CD58: variants seen among roughly 807,000 people sequenced by gnomAD.
CD58 encodes CD58 molecule, also known as lymphocyte function-associated antigen 3.
Under a neutral mutation model 27.6 loss-of-function variants are expected in CD58, and 14 were observed. The ratio of observed to expected loss-of-function variants is 0.51; its 90% CI spans 0.34 to 0.79. The LOEUF is 0.79. Among genes scored for constraint, CD58 ranks in the 30% least tolerant of loss-of-function variants. CD58 has a pLI of 0.02. For synonymous variants in CD58, 117 were observed against 103.8 expected, an observed-to-expected ratio of 1.13 and a Z score of -0.77; for missense variants, 268 against 301.7, an observed-to-expected ratio of 0.89 and a Z score of 0.83.
chr1:116,563,122 A>ATTT lies in CD58; in HGVS notation c.70+7780_70+7781insAAA, dbSNP rs1658810581. 6.6e-6 allele frequency among the ~76,000 whole-genome samples: 1 copy of ATTT among 152,242 alleles called. No homozygotes were observed. The highest frequency in any genetic ancestry group is 1.5e-5 in the Non-Finnish European group (1 of 68,046). On this transcript the variant is annotated intron_variant, in intron 1 of 5. Coordinates refer to ENST00000369489, the MANE Select transcript of CD58 (RefSeq NM_001779.3). The surrounding 1 kb of genome is among the most constrained non-coding windows in gnomAD (Gnocchi z 4.1). ...CCAAATGGGAGAAATTGTCCAAAAC[A>ATTT]AAAGGGCTACAGGCCCCATGCAAGT... is the stretch of plus-strand genomic sequence containing the variant.
At position 116,540,581 on chromosome 1, in the gene CD58, G is replaced by A. The variant is rs934973312; in HGVS notation, c.364+3730C>T. 3.9e-5 allele frequency among the ~76,000 whole-genome samples: 6 copies of A among 151,956 alleles called. No homozygotes were observed. In the East Asian group the frequency reaches 1.2e-3, roughly 29 times the overall value. On this transcript the variant is annotated intron_variant, in intron 2 of 5. Coordinates refer to ENST00000369489, the MANE Select transcript of CD58 (RefSeq NM_001779.3). ...ATGTATTTTATCAAGTCACTTCCTT[G>A]CTCCAGTATAGGACACAATGGCTCC...
chr1:116,547,767 G>A (rs1658239722), intron 1 of CD58, among the ~76,000 whole-genome samples: 1 of 152,098 alleles, frequency 6.6e-6, no homozygotes, highest in Non-Finnish European at 1.5e-5. Flanking sequence ...GATGTTGTGT[G>A]CAACATGTTG....
chr1:116,558,073 A>T (rs1471451263), intron 1 of CD58, among the ~76,000 whole-genome samples: 1 of 151,048 alleles, frequency 6.6e-6, no homozygotes, highest in Non-Finnish European at 1.5e-5. Flanking sequence ...ATTTTAAGAT[A>T]CTTCTCTCTC....
chr1:116,533,277 C>A (rs779681208), intron 3 of CD58: 578 of 1,291,566 alleles, frequency 4.5e-4, no homozygotes, highest in Non-Finnish European at 6.0e-4. Context: ...TGGACCCTTA[C>A]GCTTCTGCTT....
chr1:116,568,230 C>T (rs1315485624), intron 1 of CD58, among the ~76,000 whole-genome samples: 1 of 152,092 alleles, frequency 6.6e-6, no homozygotes, highest in Non-Finnish European at 1.5e-5. Flanking sequence ...GGAGAATGCT[C>T]TTGTTCTTAT....
In CD58 at chr1:116,521,819, A is replaced by G. The variant is rs1001040199; in HGVS notation, c.706+87T>C. Reference sequence around the variant, plus strand: ...TTCTTTTCAAATGTCTAAAATTTCAAACTTTATTTTCATCCTTAAACTATT... The same window carrying G: ...TTCTTTTCAAATGTCTAAAATTTCAGACTTTATTTTCATCCTTAAACTATT... On this transcript the variant is annotated intron_variant, in intron 4 of 5. Transcript: ENST00000369489. This position sits in a 1 kb window ranked among gnomAD's most constrained non-coding sequence, Gnocchi z 5.6. The G allele has an allele frequency of 9.1e-6, 8 of 877,480 alleles. No individual in the cohort carries two copies. In the African/African-American group the frequency reaches 1.4e-4, roughly 15 times the overall value. 54.4% of individuals were successfully genotyped at this position (877,480 alleles called of 1,614,324 possible). A position where few individuals can be genotyped will look rare whatever the true frequency, so the allele number is the denominator to read the frequency against.
chr1:116,566,713 C>A (rs1382214612), intron 1 of CD58, among the ~76,000 whole-genome samples: 2 of 151,992 alleles, frequency 1.3e-5, no homozygotes, highest in Non-Finnish European at 2.9e-5. Flanking sequence ...AAATGGATGA[C>A]AGGAATGCCA....
chr1:116,558,228 A>G (rs1432007777), intron 1 of CD58, among the ~76,000 whole-genome samples: 1 of 152,034 alleles, frequency 6.6e-6, no homozygotes, highest in Admixed American at 6.5e-5. Flanking sequence ...GAATATTGGT[A>G]TTTCCCTCTG....
chr1:116,532,914 G>T lies in CD58; in HGVS notation c.628+3051C>A, dbSNP rs1201080870. 4 of 1,035,978 alleles carry T rather than the reference G, an allele frequency of 3.9e-6. No individual in the cohort carries two copies. Among genetic ancestry groups the T allele is most frequent in the South Asian group, 1.3e-5 (1 of 74,244 alleles). 64.2% of individuals were successfully genotyped at this position (1,035,978 alleles called of 1,614,324 possible). A position where few individuals can be genotyped will look rare whatever the true frequency, so the allele number is the denominator to read the frequency against. ...GGCCCGGAGTCGCGACAGCCGGTCT[G>T]CCAGGCGCCCACCTCCACTTCCTAC... On this transcript the variant is annotated intron_variant, in intron 3 of 5. Transcript: ENST00000369489. This position sits in a 1 kb window ranked among gnomAD's most constrained non-coding sequence, Gnocchi z 5.1.
At chr1:116,526,296 T>C (rs926433595) in intron 3 of CD58, among the ~76,000 whole-genome samples, 2 of 152,344 alleles carry the variant, frequency 1.3e-5, no homozygotes, top group African/African-American at 4.8e-5. Context: ...TTTTCTCTTA[T>C]GTTTTAGGAG....
chr1:116,547,902 T>C (rs1658250690), intron 1 of CD58, among the ~76,000 whole-genome samples: 1 of 152,188 alleles, frequency 6.6e-6, no homozygotes, highest in Non-Finnish European at 1.5e-5. Flanking sequence ...TTGTACTAGT[T>C]TACATTCCCA....
In CD58 at chr1:116,523,216, TGTTTTCACAGCAGCTCC is replaced by T. The variant is rs1657323200; in HGVS notation, c.629-1250_629-1234del. Among the ~76,000 whole-genome samples, 1 of 152,204 alleles carries T rather than the reference TGTTTTCACAGCAGCTCC, an allele frequency of 6.6e-6. No individual in the cohort carries two copies. Among genetic ancestry groups the T allele is most frequent in the Admixed American group, 6.5e-5 (1 of 15,272 alleles). On this transcript the variant is annotated intron_variant, in intron 3 of 5. Coordinates refer to ENST00000369489, the MANE Select transcript of CD58 (RefSeq NM_001779.3). This position sits in a 1 kb window ranked among gnomAD's most constrained non-coding sequence, Gnocchi z 4.4. ...ACCATAAGGCAAAAACAACCTAAGT[TGTTTTCACAGCAGCTCC>T]TTGTTTTCACAAAAAACTGTGGTAT...
chr1:116,562,322 T>C (rs1214834998), intron 1 of CD58, among the ~76,000 whole-genome samples: 1 of 152,102 alleles, frequency 6.6e-6, no homozygotes, highest in Non-Finnish European at 1.5e-5. Context: ...AATAAAATAG[T>C]TCCTACCTTT....
At chr1:116,540,310 T>C (rs754178659) in intron 2 of CD58, among the ~76,000 whole-genome samples, 4 of 151,266 alleles carry the variant, frequency 2.6e-5, no homozygotes, top group Non-Finnish European at 5.9e-5. Flanking sequence ...CTAAAACAAG[T>C]GTTAACATTA....
At position 116,521,422 on chromosome 1, in the gene CD58, C is replaced by G. The variant is rs1423181367; in HGVS notation, c.706+484G>C. On this transcript the variant is annotated intron_variant, in intron 4 of 5. Coordinates refer to ENST00000369489, the MANE Select transcript of CD58 (RefSeq NM_001779.3). This position sits in a 1 kb window ranked among gnomAD's most constrained non-coding sequence, Gnocchi z 5.6. ...TCAGTTCTCCAAGCTGTATGACTGCCCAAGATTGCTAGGGGACTGAGAAGG... is the reference window on the plus strand; with the variant it reads ...TCAGTTCTCCAAGCTGTATGACTGCGCAAGATTGCTAGGGGACTGAGAAGG... Among the ~76,000 whole-genome samples the G allele has an allele frequency of 1.3e-5, 2 of 152,102 alleles. No individual in the cohort carries two copies. Among genetic ancestry groups the G allele is most frequent in the African/African-American group, 4.8e-5 (2 of 41,422 alleles).
At position 116,557,741 on chromosome 1, in the gene CD58, G is replaced by A. The variant is rs557117934; in HGVS notation, c.71-13137C>T. Among the ~76,000 whole-genome samples, 303 of 151,184 alleles carry A rather than the reference G, an allele frequency of 2.0e-3. 1 individual carries two copies. Among genetic ancestry groups the A allele is most frequent in the African/African-American group, 6.8e-3 (282 of 41,168 alleles). On this transcript the variant is annotated intron_variant, in intron 1 of 5. Transcript: ENST00000369489. The surrounding 1 kb of genome is among the most constrained non-coding windows in gnomAD (Gnocchi z 5.2). Reference sequence around the variant, plus strand: ...CAGGTTGGTGTGCAGTGGTGCAATCGTGGCTCACTGTAGCTTCAACCTCCT... The same window carrying A: ...CAGGTTGGTGTGCAGTGGTGCAATCATGGCTCACTGTAGCTTCAACCTCCT...
chr1:116,547,666 A>G (rs772152637), intron 1 of CD58, among the ~76,000 whole-genome samples: 2 of 152,014 alleles, frequency 1.3e-5, no homozygotes, highest in Non-Finnish European at 2.9e-5. Flanking sequence ...ATATATATAT[A>G]TATCTCCCAC....
At chr1:116,564,945 G>A (rs72999944) in intron 1 of CD58, among the ~76,000 whole-genome samples, 4,896 of 152,128 alleles carry the variant, frequency 0.032, 261 homozygotes, top group African/African-American at 0.11. Context: ...CTTGCTACTT[G>A]CCCAGCACTA....
At position 116,536,188 on chromosome 1, in the gene CD58, A is replaced by G. The variant is rs777232359; in HGVS notation, c.405T>C (p.Asn135=). 8 of 1,612,692 alleles carry G rather than the reference A, an allele frequency of 5.0e-6. No homozygotes were observed. The East Asian group carries it at 1.8e-4, about 36-fold the overall frequency. The change falls in exon 3 of 6, where the codon AAT becomes AAC. Residue 135 remains asparagine (N), a synonymous_variant. Coordinates refer to ENST00000369489, the MANE Select transcript of CD58 (RefSeq NM_001779.3). The surrounding 1 kb of genome is among the most constrained non-coding windows in gnomAD (Gnocchi z 5.4). ...TCATGCATTGGACTTCAATGCTTCC[A>G]TTAGTCAATGCACAAGTTAGTGTGG... ...PSPTLTCALT[N]GSIEVQCMIP... is the part of the protein sequence containing the mutation.
Sources: gnomAD v4.1 joint callset for allele counts (sites outside exome capture counted in the v4.1 genomes callset) on GRCh38, gnomAD v4.1.1 for gene constraint, Gnocchi (gnomAD v3.1) non-coding constraint, MANE v1.5 for transcripts, NCBI Gene and HGNC (gene_info 2026-07-23, HGNC 2026-07-21) for gene names.